Variants in NCOA2 observed in about 807,000 individuals in gnomAD.
The protein encoded by NCOA2 is nuclear receptor coactivator 2, also known as class E basic helix-loop-helix protein 75.
A neutral mutation model predicts 145.1 loss-of-function variants in NCOA2; 21 were observed. The observed-to-expected ratio is 0.14, with a 90% CI of 0.10 to 0.21. The LOEUF (loss-of-function observed/expected upper bound fraction) is 0.21, where lower values mean the gene tolerates loss of function less well. NCOA2 is among the 10% of genes least tolerant of loss of function. The pLI is 1.00. For synonymous variants in NCOA2, 619 were observed against 637.5 expected (o/e 0.97, Z 0.44); for missense variants, 1,472 against 1,837.6 (o/e 0.80, Z 3.64).
intron 2 of NCOA2, among the ~76,000 whole-genome samples, chr8:70,220,677 T>C (rs916442460): frequency 2.6e-5 from 4 of 152,220 alleles, no homozygotes. Flanking sequence ...TTCAAAAATG[T>C]ACTTTCATGG....
At chr8:70,430,915 A>G in the NCOA2 span, among the ~76,000 whole-genome samples, 1 of 152,212 alleles carries the variant, frequency 6.6e-6, no homozygotes, top group South Asian at 2.1e-4. Flanking sequence ...TACCTTATCT[A>G]TCAACTTATT....
At chr8:70,440,045 G>A in the NCOA2 span, among the ~76,000 whole-genome samples, 2 of 152,176 alleles carry the variant, frequency 1.3e-5, no homozygotes, top group Non-Finnish European at 2.9e-5. Context: ...CAAACCAGCA[G>A]CATCATCTCA....
At chr8:70,369,923 ACAGGGTTTCATTCTGTCGCC>A (rs1811059625) in intron 1 of NCOA2, among the ~76,000 whole-genome samples, 1 of 151,546 alleles carries the variant, frequency 6.6e-6, no homozygotes, top group South Asian at 2.1e-4. Context: ...ATTTTTTGAG[ACAGGGTTTCATTCTGTCGCC>A]CAGGCTGGAG....
intron 1 of NCOA2, among the ~76,000 whole-genome samples, chr8:70,306,775 G>C (rs1303916352): frequency 6.6e-6 from 1 of 152,064 alleles, no homozygotes; most frequent in Non-Finnish European, 1.5e-5. Flanking sequence ...GCTACTTGAG[G>C]GGCTGAGGCT....
chr8:70,214,209 G>T (rs1819350759), intron 3 of NCOA2, 134 bp from the exon 4 acceptor site: 2 of 850,568 alleles, frequency 2.4e-6, no homozygotes, highest in Admixed American at 3.0e-5. Context: ...ACTTTTGGGG[G>T]AAAAACACAA....
chr8:70,141,059 T>G, intron 14 of NCOA2, 125 bp downstream of exon 14: 1 of 950,886 alleles, frequency 1.1e-6, no homozygotes, highest in Non-Finnish European at 1.6e-6. Context: ...AAATCCCACT[T>G]ATGGCAGCTT....
intron 2 of NCOA2, among the ~76,000 whole-genome samples, chr8:70,274,494 TA>T (rs756116832): frequency 2.6e-4 from 39 of 152,328 alleles, no homozygotes; most frequent in Admixed American, 5.9e-4. Context: ...AATTTACAGT[TA>T]TTTTTTTAAA....
chr8:70,398,957 T>A (rs573897743), intron 1 of NCOA2, among the ~76,000 whole-genome samples: 7 of 152,334 alleles, frequency 4.6e-5, no homozygotes, highest in Admixed American at 2.0e-4. Context: ...GTCTTTTAAT[T>A]TCAGTTGCCT....
At chr8:70,226,130 GA>G (rs1223767034) in intron 2 of NCOA2, among the ~76,000 whole-genome samples, 2 of 151,980 alleles carry the variant, frequency 1.3e-5, no homozygotes, top group African/African-American at 4.8e-5. Context: ...ATTTAAAACA[GA>G]AAAGTTATCA....
intron 1 of NCOA2, among the ~76,000 whole-genome samples, chr8:70,383,594 C>CTCCT (rs1812405053): frequency 6.6e-6 from 1 of 152,118 alleles, no homozygotes; most frequent in Admixed American, 6.5e-5. Context: ...CAACCTCTGC[C>CTCCT]TCCTGGGTTC....
At chr8:70,179,674 T>A (rs76986534) in intron 4 of NCOA2, among the ~76,000 whole-genome samples, 19 of 152,342 alleles carry the variant, frequency 1.2e-4, no homozygotes, top group East Asian at 9.6e-4. Context: ...ATATTTACTT[T>A]TCTATCTTTT....
chr8:70,325,092 A>G (rs938108409), intron 1 of NCOA2, among the ~76,000 whole-genome samples: 4 of 152,142 alleles, frequency 2.6e-5, no homozygotes, highest in South Asian at 2.1e-4. Flanking sequence ...TGTTATTCCT[A>G]TCTTAAGAAT....
At chr8:70,327,129 G>A (rs1354188269) in intron 1 of NCOA2, among the ~76,000 whole-genome samples, 3 of 152,086 alleles carry the variant, frequency 2.0e-5, no homozygotes, top group Non-Finnish European at 4.4e-5. Flanking sequence ...TAATACATTC[G>A]GCTTCTGTCA....
chr8:70,436,916 G>A, the NCOA2 span, among the ~76,000 whole-genome samples: 2 of 152,208 alleles, frequency 1.3e-5, no homozygotes, highest in East Asian at 1.9e-4. Context: ...GCATTTTGGA[G>A]GAGGTGGCAT....
At chr8:70,135,182 C>T (rs1460641246) in intron 15 of NCOA2, among the ~76,000 whole-genome samples, 1 of 152,138 alleles carries the variant, frequency 6.6e-6, no homozygotes, top group Non-Finnish European at 1.5e-5. Flanking sequence ...TTGACATTTA[C>T]CCCATCCTTC....
At chr8:70,280,584 T>C (rs1356548673) in intron 2 of NCOA2, among the ~76,000 whole-genome samples, 1 of 152,182 alleles carries the variant, frequency 6.6e-6, no homozygotes, top group Admixed American at 6.5e-5. Context: ...TTTCTGAATA[T>C]AGTGTTCATG....
At chr8:70,127,625 G>T (rs935676761) in intron 18 of NCOA2, among the ~76,000 whole-genome samples, 1 of 152,124 alleles carries the variant, frequency 6.6e-6, no homozygotes, top group East Asian at 1.9e-4. Flanking sequence ...TCAGTGAGAG[G>T]CATGAGGCTG....
intron 2 of NCOA2, among the ~76,000 whole-genome samples, chr8:70,279,235 GT>G (rs1373235456): frequency 6.6e-6 from 1 of 152,088 alleles, no homozygotes; most frequent in African/African-American, 2.4e-5. Flanking sequence ...ATTACCCGCA[GT>G]AGGTGCTTCC....
At chr8:70,401,721 A>G (rs1814268489) in intron 1 of NCOA2, 1 of 152,202 alleles carries the variant, frequency 6.6e-6, no homozygotes. Flanking sequence ...TTCCCTTTCA[A>G]ATTTCATTGT....
Sources: allele counts gnomAD v4.1 joint callset (sites outside exome capture counted in the v4.1 genomes callset), GRCh38; gene constraint gnomAD v4.1.1; transcripts MANE v1.5; gene names NCBI Gene and HGNC (gene_info 2026-07-23, HGNC 2026-07-21).